The following GRM5 variants were observed in gnomAD, a reference collection of about 807,000 sequenced individuals.
GRM5 encodes the protein metabotropic glutamate receptor 5.
Under a neutral mutation model 83.1 loss-of-function variants are expected in GRM5, and 19 were observed. That is an observed-to-expected ratio of 0.23 (90% CI 0.16 to 0.34). The LOEUF is 0.34. Ranked by LOEUF, GRM5 falls within the 10% of genes least tolerant of loss-of-function variation. The pLI is 1.00. For synonymous variants in GRM5, 675 were observed against 633.6 expected (o/e 1.07, Z -0.98); for missense variants, 1,160 against 1,588.3 (o/e 0.73, Z 4.58).
intron 8 of GRM5, among the ~76,000 whole-genome samples, chr11:88,553,580 G>T (rs184742659): frequency 6.6e-6 from 1 of 152,102 alleles, no homozygotes; most frequent in African/African-American, 2.4e-5. Flanking sequence ...AAGTGAACAG[G>T]CCACAGCATA....
chr11:88,998,950 C>T (rs1375039573), intron 2 of GRM5, among the ~76,000 whole-genome samples: 11 of 151,866 alleles, frequency 7.2e-5, no homozygotes, highest in South Asian at 2.1e-4. Flanking sequence ...TACAACTATC[C>T]GATCTTTGAC....
At chr11:88,524,214 C>CTTTCTTTTTTTTTT (rs1555060035) in intron 9 of GRM5, among the ~76,000 whole-genome samples, 1 of 101,408 alleles carries the variant, frequency 9.9e-6, no homozygotes, top group African/African-American at 4.5e-5. Context: ...TTCTTTCTTT[C>CTTTCTTTTTTTTTT]TTTTTTTTTT....
At chr11:89,021,690 T>C (rs1368435782) in intron 2 of GRM5, among the ~76,000 whole-genome samples, 1 of 152,152 alleles carries the variant, frequency 6.6e-6, no homozygotes, top group African/African-American at 2.4e-5. Context: ...AGAAATGCAA[T>C]TTTTAGAATT....
intron 2 of GRM5, among the ~76,000 whole-genome samples, chr11:88,987,711 C>T (rs549377647): frequency 1.6e-4 from 25 of 152,014 alleles, no homozygotes; most frequent in East Asian, 3.9e-4. Context: ...CCCTGACCCC[C>T]GAGCAGCCTA....
At chr11:88,767,739 C>G (rs932628794) in intron 3 of GRM5, among the ~76,000 whole-genome samples, 1 of 151,704 alleles carries the variant, frequency 6.6e-6, no homozygotes, top group Non-Finnish European at 1.5e-5. Flanking sequence ...TGCTTATTAC[C>G]TGAGTGGCAA....
At chr11:88,930,697 G>A (rs1237439776) in intron 2 of GRM5, among the ~76,000 whole-genome samples, 1 of 151,818 alleles carries the variant, frequency 6.6e-6, no homozygotes, top group South Asian at 2.1e-4. Flanking sequence ...ACAGGCATCC[G>A]CCACCACGCC....
intron 3 of GRM5, among the ~76,000 whole-genome samples, chr11:88,745,083 G>A (rs533578207): frequency 6.6e-6 from 1 of 151,996 alleles, no homozygotes; most frequent in East Asian, 1.9e-4. Context: ...GACTTCACAA[G>A]TTATATAGTC....
chr11:88,766,634 C>CAT (rs1396137078), intron 3 of GRM5, among the ~76,000 whole-genome samples: 10 of 152,006 alleles, frequency 6.6e-5, no homozygotes, highest in Non-Finnish European at 1.3e-4. Flanking sequence ...GCATTCTGGA[C>CAT]ATAGGACCAG....
intron 2 of GRM5, among the ~76,000 whole-genome samples, chr11:88,865,558 A>G (rs957893806): frequency 1.3e-5 from 2 of 151,476 alleles, no homozygotes; most frequent in Admixed American, 6.6e-5. Context: ...AAATTGACAA[A>G]TGGGATCTAA....
At chr11:88,813,683 G>A (rs982475394) in intron 3 of GRM5, among the ~76,000 whole-genome samples, 1 of 152,068 alleles carries the variant, frequency 6.6e-6, no homozygotes. Flanking sequence ...TGAACCTTTT[G>A]TACTGATCCA....
At chr11:88,659,040 T>C (rs546940261) in intron 3 of GRM5, among the ~76,000 whole-genome samples, 12 of 152,262 alleles carry the variant, frequency 7.9e-5, no homozygotes, top group African/African-American at 2.6e-4. Flanking sequence ...TTAGAAAATA[T>C]GTTGCAATGG....
chr11:89,064,888 C>CTCTCTCTCTGTGTGTGTGTG (rs1218318990), intron 1 of GRM5, among the ~76,000 whole-genome samples: 6 of 62,254 alleles, frequency 9.6e-5, no homozygotes, highest in African/African-American at 3.5e-4. Flanking sequence ...CTCTCTCTCT[C>CTCTCTCTCTGTGTGTGTGTG]TGTGTGTGTG....
chr11:88,914,502 C>T (rs1211269893), intron 2 of GRM5, among the ~76,000 whole-genome samples: 1 of 152,126 alleles, frequency 6.6e-6, no homozygotes, highest in Non-Finnish European at 1.5e-5. Context: ...TCAGAATACA[C>T]TGCCAGAATC....
chr11:88,767,330 T>A (rs996898295), intron 3 of GRM5, among the ~76,000 whole-genome samples: 3 of 151,906 alleles, frequency 2.0e-5, no homozygotes, highest in African/African-American at 4.8e-5. Context: ...ATTAGGCATA[T>A]CCTCAAAAGA....
intron 2 of GRM5, among the ~76,000 whole-genome samples, chr11:88,945,816 A>G (rs1243206170): frequency 6.6e-6 from 1 of 152,140 alleles, no homozygotes; most frequent in Non-Finnish European, 1.5e-5. Flanking sequence ...CGTTCTGGAC[A>G]TCAAACTTGG....
intron 9 of GRM5, among the ~76,000 whole-genome samples, chr11:88,522,216 T>C (rs534998987): frequency 1.3e-5 from 2 of 152,254 alleles, no homozygotes; most frequent in South Asian, 2.1e-4. Flanking sequence ...AAAGGCCTTA[T>C]TGGTTGACGC....
At chr11:88,930,187 T>C (rs1403061127) in intron 2 of GRM5, among the ~76,000 whole-genome samples, 5 of 151,928 alleles carry the variant, frequency 3.3e-5, no homozygotes, top group African/African-American at 1.2e-4. Context: ...AGAGAAAGGA[T>C]TGCTTGAGGA....
At chr11:88,534,228 T>C (rs558921507) in intron 8 of GRM5, among the ~76,000 whole-genome samples, 102 of 152,318 alleles carry the variant, frequency 6.7e-4, no homozygotes, top group African/African-American at 2.3e-3. Flanking sequence ...AGAGGGCTGC[T>C]GTCCTCCAGA....
chr11:88,578,623 C>CT (rs1477501468), intron 7 of GRM5, among the ~76,000 whole-genome samples: 1 of 152,104 alleles, frequency 6.6e-6, no homozygotes, highest in African/African-American at 2.4e-5. Context: ...GCTTTCAGCC[C>CT]TTTTTTTCTT....
Sources: gnomAD v4.1 joint callset for allele counts (sites outside exome capture counted in the v4.1 genomes callset) on GRCh38, gnomAD v4.1.1 for gene constraint, MANE v1.5 for transcripts, NCBI Gene and HGNC (gene_info 2026-07-23, HGNC 2026-07-21) for gene names.